The following CNTN4 variants were observed in gnomAD, a reference collection of about 807,000 sequenced individuals.
The protein encoded by CNTN4 is contactin 4, also known as contactin-4.
Under a neutral mutation model 122.5 loss-of-function variants are expected in CNTN4, and 77 were observed. The ratio of observed to expected loss-of-function variants is 0.63; its 90% CI spans 0.52 to 0.76. The LOEUF (loss-of-function observed/expected upper bound fraction) is 0.76. Ranked by LOEUF, CNTN4 falls within the 30% of genes least tolerant of loss-of-function variation. The pLI, the probability that CNTN4 is intolerant of heterozygous loss-of-function variation, is 0.00. For missense variants in CNTN4, 1,256 were observed against 1,259.1 expected (o/e 1.00, Z 0.04); for synonymous variants, 512 against 447.0 (o/e 1.15, Z -1.83).
intron 2 of CNTN4, among the ~76,000 whole-genome samples, chr3:2,285,658 A>G (rs1220210694): frequency 1.3e-5 from 2 of 152,148 alleles, no homozygotes; most frequent in East Asian, 1.9e-4. Context: ...AGAAAAATCT[A>G]GATAAGCAGA....
In CNTN4 at chr3:3,009,049, T is replaced by C. The variant is rs1264223509; in HGVS notation, c.1487-17053T>C. The stretch of plus-strand genomic sequence containing the variant: ...GACAAGCCTGGTGTTATTAGCACAG[T>C]GAGCAAGTGGCAAGAGCACCACCTC... On this transcript the variant is annotated intron_variant, in intron 14 of 24. Coordinates refer to ENST00000418658, the MANE Select transcript of CNTN4 (RefSeq NM_175607.3). 5.1e-6 allele frequency: 5 copies of C among 985,290 alleles called. No homozygotes were observed. The Admixed American group carries it at 2.5e-4, about 48-fold the overall frequency. The allele number at this position is 985,290 out of a possible 1,614,324, so 61.0% of individuals were successfully genotyped here. A position where few individuals can be genotyped will look rare whatever the true frequency, so the allele number is the denominator to read the frequency against.
chr3:2,595,106 A>G (rs1230683333), intron 4 of CNTN4, among the ~76,000 whole-genome samples: 1 of 152,220 alleles, frequency 6.6e-6, no homozygotes, highest in Non-Finnish European at 1.5e-5. Context: ...ATCCCTTGAT[A>G]GTGACACTAT....
chr3:2,980,994 T>A (rs1370103626), intron 13 of CNTN4, among the ~76,000 whole-genome samples: 1 of 152,140 alleles, frequency 6.6e-6, no homozygotes, highest in Non-Finnish European at 1.5e-5. Flanking sequence ...AGCCACTATT[T>A]TAAACATGCC....
chr3:2,472,097 C>T (rs2075702592), intron 3 of CNTN4, among the ~76,000 whole-genome samples: 1 of 151,350 alleles, frequency 6.6e-6, no homozygotes, highest in Non-Finnish European at 1.5e-5. Flanking sequence ...CGCCTGTAAT[C>T]CCAGCTACTC....
At chr3:2,395,539 T>C (rs35775662) in intron 3 of CNTN4, among the ~76,000 whole-genome samples, 29,259 of 152,110 alleles carry the variant, frequency 0.19, 3,445 homozygotes, top group Middle Eastern at 0.28. Context: ...ATGATCGATC[T>C]CATCACCCAC....
intron 2 of CNTN4, among the ~76,000 whole-genome samples, chr3:2,169,011 A>T (rs1490907881): frequency 1.3e-5 from 2 of 152,224 alleles, no homozygotes; most frequent in Non-Finnish European, 2.9e-5. Flanking sequence ...TTACCAAGTG[A>T]TTTAAAATGT....
intron 14 of CNTN4, chr3:3,008,906 A>G (rs17024653): frequency 0.089 from 87,166 of 978,304 alleles, 4,050 homozygotes; most frequent in Middle Eastern, 0.17. Context: ...GCAAACCACC[A>G]AGATCTAATA....
At chr3:3,005,536 C>T (rs959393794) in intron 14 of CNTN4, among the ~76,000 whole-genome samples, 6 of 152,174 alleles carry the variant, frequency 3.9e-5, no homozygotes, top group South Asian at 2.1e-4. Context: ...TCCCCGTTTC[C>T]GCAGCGTAAG....
intron 2 of CNTN4, among the ~76,000 whole-genome samples, chr3:2,235,217 A>G (rs1345131724): frequency 6.6e-6 from 1 of 152,194 alleles, no homozygotes; most frequent in Non-Finnish European, 1.5e-5. Context: ...TTGAGATGTA[A>G]TGATGCCAAC....
chr3:2,859,537 G>GT (rs2093651383), intron 7 of CNTN4, among the ~76,000 whole-genome samples: 4 of 82,402 alleles, frequency 4.9e-5, no homozygotes, highest in Admixed American at 1.3e-4. Flanking sequence ...ATGCTTTCCT[G>GT]GTTTTTTTTT....
intron 13 of CNTN4, among the ~76,000 whole-genome samples, chr3:2,980,527 T>C (rs1693859708): frequency 6.6e-6 from 1 of 152,186 alleles, no homozygotes; most frequent in Admixed American, 6.5e-5. Context: ...CAAGATGAGA[T>C]GGACCATAAA....
chr3:2,170,275 G>A (rs186631504), intron 2 of CNTN4, among the ~76,000 whole-genome samples: 1,848 of 151,062 alleles, frequency 0.012, 21 homozygotes, highest in Admixed American at 0.025. Flanking sequence ...AGCCGAGATC[G>A]CGCCACCGCA....
At chr3:2,207,815 C>G (rs952310978) in intron 2 of CNTN4, among the ~76,000 whole-genome samples, 2 of 152,204 alleles carry the variant, frequency 1.3e-5, no homozygotes, top group Non-Finnish European at 2.9e-5. Context: ...TTCATAGTTA[C>G]AGAGGAGAAG....
chr3:2,993,313 T>TTTTTG, intron 14 of CNTN4, among the ~76,000 whole-genome samples: 1 of 151,944 alleles, frequency 6.6e-6, no homozygotes, highest in Non-Finnish European at 1.5e-5. Flanking sequence ...TTTTTTTTTT[T>TTTTTG]TGAGATGGAG....
intron 3 of CNTN4, among the ~76,000 whole-genome samples, chr3:2,373,773 G>C (rs180749575): frequency 6.6e-6 from 1 of 152,264 alleles, no homozygotes; most frequent in Admixed American, 6.5e-5. Flanking sequence ...ACAGTATGTG[G>C]AAGCATTTTA....
chr3:2,749,248 C>T lies in CNTN4; in HGVS notation c.358+3551C>T, dbSNP rs533809776. ...GTGCGACCTCAGCTCACTGCAACCT[C>T]CACCTCCTGGGTTCAAGCTATTCTG... On this transcript the variant is annotated intron_variant, in intron 6 of 24. Transcript: ENST00000418658. Among the ~76,000 whole-genome samples, 4 of 152,252 alleles carry T rather than the reference C, an allele frequency of 2.6e-5. No individual in the cohort carries two copies. In the South Asian group the frequency reaches 8.3e-4, roughly 32 times the overall value.
At chr3:2,137,573 G>A (rs533516440) in intron 2 of CNTN4, among the ~76,000 whole-genome samples, 40 of 152,292 alleles carry the variant, frequency 2.6e-4, no homozygotes, top group African/African-American at 9.4e-4. Context: ...AGTTATATTT[G>A]TGAGTTATTG....
intron 3 of CNTN4, among the ~76,000 whole-genome samples, chr3:2,514,933 A>T (rs1418964432): frequency 7.1e-6 from 1 of 141,278 alleles, no homozygotes; most frequent in Non-Finnish European, 1.5e-5. Context: ...ATCTTCTGCT[A>T]CCCCCTCCCT....
Position 2,947,950 on chromosome 3 carries a change from T to A in CNTN4, c.1358+22171T>A, listed in dbSNP as rs1400293818. ...TGCCATTAAAGCTGTCTCTATTAAATGAATATGTGCTGGGTGCGTTGTTTA... is the reference window on the plus strand; with the variant it reads ...TGCCATTAAAGCTGTCTCTATTAAAAGAATATGTGCTGGGTGCGTTGTTTA... On this transcript the variant is annotated intron_variant, in intron 13 of 24. Transcript: ENST00000418658. Among the ~76,000 whole-genome samples the A allele has an allele frequency of 2.6e-5, 4 of 152,162 alleles. No individual in the cohort carries two copies. The East Asian group carries it at 7.7e-4, about 29-fold the overall frequency.
Sources: gnomAD v4.1 joint callset for allele counts (sites outside exome capture counted in the v4.1 genomes callset) on GRCh38, gnomAD v4.1.1 for gene constraint, MANE v1.5 for transcripts, NCBI Gene and HGNC (gene_info 2026-07-23, HGNC 2026-07-21) for gene names.